TMEM154: variants seen among roughly 807,000 people sequenced by gnomAD.
The protein encoded by TMEM154 is transmembrane protein 154.
A neutral mutation model predicts 24.5 loss-of-function variants in TMEM154; 27 were observed. The observed-to-expected ratio is 1.10, with a 90% CI of 0.81 to 1.52. The LOEUF (loss-of-function observed/expected upper bound fraction) is 1.52. Among genes scored for constraint, TMEM154 ranks in the 40% most tolerant of loss-of-function variants. The pLI, the probability that TMEM154 is intolerant of heterozygous loss-of-function variation, is 0.00. For synonymous variants in TMEM154, 67 were observed against 76.8 expected (o/e 0.87, Z 0.67); for missense variants, 228 against 213.4 (o/e 1.07, Z -0.43).
intron 6 of TMEM154, among the ~76,000 whole-genome samples, chr4:152,631,746 T>C (rs1263062252): frequency 6.6e-6 from 1 of 151,876 alleles, no homozygotes; most frequent in Non-Finnish European, 1.5e-5. Flanking sequence ...ATTGTGTTTT[T>C]TGAAGTACAA....
chr4:152,645,276 G>A (rs1348229142), intron 3 of TMEM154, among the ~76,000 whole-genome samples: 2 of 152,166 alleles, frequency 1.3e-5, no homozygotes, highest in East Asian at 3.8e-4. Context: ...AAATGATTAG[G>A]TGTTAACCTC....
At chr4:152,645,542 A>G (rs2149781797) in intron 3 of TMEM154, among the ~76,000 whole-genome samples, 1 of 152,368 alleles carries the variant, frequency 6.6e-6, no homozygotes, top group African/African-American at 2.4e-5. Context: ...TTGAGTGGAT[A>G]GCATAGGCCT....
intron 6 of TMEM154, among the ~76,000 whole-genome samples, chr4:152,638,250 A>T (rs1031495841): frequency 6.6e-6 from 1 of 152,216 alleles, no homozygotes; most frequent in Non-Finnish European, 1.5e-5. Flanking sequence ...TAGACAACAG[A>T]ATGAGAGTCT....
In TMEM154 at chr4:152,624,750, T is replaced by C. The variant is rs1751890871; in HGVS notation, c.*3796A>G. 1 of 152,246 alleles carries C rather than the reference T, an allele frequency of 6.6e-6. No individual in the cohort carries two copies. The highest frequency in any genetic ancestry group is 2.4e-5 in the African/African-American group (1 of 41,460). The allele number at this position is 152,246 out of a possible 1,614,324, so 9.4% of individuals were successfully genotyped here. A position where few individuals can be genotyped will look rare whatever the true frequency, so the allele number is the denominator to read the frequency against. On this transcript the variant is annotated 3_prime_UTR_variant, in exon 7 of 7. Transcript: ENST00000304385. The stretch of plus-strand genomic sequence containing the variant: ...TAATAATAATTCAGGCAATTGGTTG[T>C]CTGGGTTCTGCAATTTGAAATATTC...
chr4:152,661,286 C>CTCTCTT (rs1728597601), intron 1 of TMEM154, among the ~76,000 whole-genome samples: 2 of 25,820 alleles, frequency 7.7e-5, no homozygotes, highest in South Asian at 1.6e-3. Flanking sequence ...TGTTCTCTTT[C>CTCTCTT]TCTCTCTCTC....
intron 6 of TMEM154, among the ~76,000 whole-genome samples, chr4:152,638,941 C>A (rs1202741506): frequency 6.6e-6 from 1 of 152,036 alleles, no homozygotes; most frequent in East Asian, 1.9e-4. Flanking sequence ...CTCATTATTT[C>A]AAAAATCTGA....
At chr4:152,643,049 G>A in intron 5 of TMEM154, 39 bp downstream of exon 5, 3 of 1,462,696 alleles carry the variant, frequency 2.1e-6, no homozygotes, top group South Asian at 2.3e-5. Context: ...TCTGTTACTA[G>A]AGAGGAAAGA....
intron 1 of TMEM154, among the ~76,000 whole-genome samples, chr4:152,677,989 G>A (rs150563875): frequency 1.3e-5 from 2 of 152,278 alleles, no homozygotes; most frequent in African/African-American, 2.4e-5. Context: ...ACAGCAGCAG[G>A]TACGAGTAGA....
At chr4:152,644,488 T>C (rs761494440) in intron 3 of TMEM154, 46 bp from the exon 4 acceptor site, 89 of 1,596,972 alleles carry the variant, frequency 5.6e-5, no homozygotes, top group Non-Finnish European at 7.6e-5. Flanking sequence ...TGTTCTTCTG[T>C]AACAACTTTT....
At position 152,628,359 on chromosome 4, in the gene TMEM154, C is replaced by A; in HGVS notation, c.*187G>T. Reference sequence around the variant, plus strand: ...GCCTTTTCCTAGTACTTCTCAATTGCACATTCTTCCAAGTGCAAGTGATGC... The same window carrying A: ...GCCTTTTCCTAGTACTTCTCAATTGAACATTCTTCCAAGTGCAAGTGATGC... On this transcript the variant is annotated 3_prime_UTR_variant, in exon 7 of 7. Transcript: ENST00000304385. 1 of 1,004,388 alleles carries A rather than the reference C, an allele frequency of 1.0e-6. No homozygotes were observed. Among genetic ancestry groups the A allele is most frequent in the Non-Finnish European group, 1.5e-6 (1 of 660,344 alleles). 62.2% of individuals were successfully genotyped at this position (1,004,388 alleles called of 1,614,324 possible).
At chr4:152,643,289 G>C in intron 4 of TMEM154, 116 bp from the exon 5 acceptor site, 1 of 761,070 alleles carries the variant, frequency 1.3e-6, no homozygotes, top group Non-Finnish European at 2.1e-6. Context: ...AGTGCCTTAT[G>C]CTCTAGGGAA....
At chr4:152,635,634 A>T (rs951058631) in intron 6 of TMEM154, among the ~76,000 whole-genome samples, 14 of 152,262 alleles carry the variant, frequency 9.2e-5, no homozygotes, top group African/African-American at 3.4e-4. Context: ...ACTAACCTAA[A>T]TTTTTCCTGA....
At position 152,679,897 on chromosome 4, in the gene TMEM154, C is replaced by A. The variant is rs1377356498; in HGVS notation, c.37G>T (p.Val13Leu). The A allele has an allele frequency of 6.2e-7, 1 of 1,611,028 alleles. No individual in the cohort carries two copies. Among genetic ancestry groups the A allele is most frequent in the Admixed American group, 1.7e-5 (1 of 59,696 alleles). ...APRAALVFAL[V>L]IALVPVGRGN... is the part of the protein sequence containing the mutation. Reference sequence around the variant, plus strand: ...CGGCCGACGGGAACGAGCGCGATCACCAGGGCGAAGACTAGGGCTGCGCGG... The same window carrying A: ...CGGCCGACGGGAACGAGCGCGATCAACAGGGCGAAGACTAGGGCTGCGCGG... The change falls in exon 1 of 7, where the codon GTG becomes TTG. Residue 13 changes from valine (V) to leucine (L), a missense_variant. By Grantham distance (32) the Val-to-Leu change is conservative (BLOSUM62 1). Coordinates refer to ENST00000304385, the MANE Select transcript of TMEM154 (RefSeq NM_152680.3).
intron 1 of TMEM154, 121 bp from the exon 2 acceptor site, chr4:152,653,048 C>T: frequency 9.8e-7 from 1 of 1,018,186 alleles, no homozygotes; most frequent in Non-Finnish European, 1.4e-6. Flanking sequence ...CTATACTTGG[C>T]CTCCAAGCTA....
rs556170657 is a variant in TMEM154 at position 152,622,004 on chromosome 4, G to C, written c.*6542C>G. ...GGCTAATTTTTGTATTTTTAGTAGA[G>C]ACAGGGTTTCACCATATTGGTCAGA... On this transcript the variant is annotated 3_prime_UTR_variant, in exon 7 of 7. Coordinates refer to ENST00000304385, the MANE Select transcript of TMEM154 (RefSeq NM_152680.3). 1 of 151,912 alleles carries C rather than the reference G, an allele frequency of 6.6e-6. No homozygotes were observed. Among genetic ancestry groups the C allele is most frequent in the Non-Finnish European group, 1.5e-5 (1 of 68,004 alleles). 9.4% of individuals were successfully genotyped at this position (151,912 alleles called of 1,614,324 possible). A position where few individuals can be genotyped will look rare whatever the true frequency, so the allele number is the denominator to read the frequency against.
chr4:152,652,759 A>T lies in TMEM154; in HGVS notation c.233T>A (p.Leu78Gln), dbSNP rs1480059059. The T allele has an allele frequency of 3.1e-6, 5 of 1,613,966 alleles. No individual in the cohort carries two copies. The highest frequency in any genetic ancestry group is 3.4e-6 in the Non-Finnish European group (4 of 1,179,982). ...APDENQLEFI[L>Q]MVLIPLILLV... ...TAAAATCAATGGGATTAACACCATC[A>T]GTATAAACTCTAACTGATTTTCATC... Residue 78 changes from leucine (L) to glutamine (Q), a missense_variant, in exon 2 of 7, where the codon CTG becomes CAG. Coordinates refer to ENST00000304385, the MANE Select transcript of TMEM154 (RefSeq NM_152680.3).
intron 1 of TMEM154, among the ~76,000 whole-genome samples, chr4:152,658,075 A>G (rs910681756): frequency 6.6e-6 from 1 of 152,224 alleles, no homozygotes; most frequent in Non-Finnish European, 1.5e-5. Context: ...AATTGAAATC[A>G]TATCAAATAT....
At chr4:152,675,300 AG>A (rs1221735954) in intron 1 of TMEM154, among the ~76,000 whole-genome samples, 1 of 152,106 alleles carries the variant, frequency 6.6e-6, no homozygotes, top group Non-Finnish European at 1.5e-5. Flanking sequence ...AAATAACACA[AG>A]GGAAAAAAAC....
In TMEM154 at chr4:152,667,854, A is replaced by AAC. The variant is rs775323611; in HGVS notation, c.64+12015_64+12016insGT. Among the ~76,000 whole-genome samples, 870 of 152,350 alleles carry AAC rather than the reference A, an allele frequency of 5.7e-3. 10 individuals carry two copies. Among genetic ancestry groups the AAC allele is most frequent in the Middle Eastern group, 0.048 (14 of 294 alleles). On this transcript the variant is annotated intron_variant, in intron 1 of 6. Transcript: ENST00000304385. ...TTTTGAGGAGGTTGTCTGGTAAAAC[A>AAC]CTTTCAGCCAGTAGTCTGCTCTGGG...
Sources: allele counts gnomAD v4.1 joint callset (sites outside exome capture counted in the v4.1 genomes callset), GRCh38; gene constraint gnomAD v4.1.1; transcripts MANE v1.5; gene names NCBI Gene and HGNC (gene_info 2026-07-23, HGNC 2026-07-21).